The following MAGI2 variants were observed in gnomAD, a reference collection of about 807,000 sequenced individuals.
MAGI2 encodes the protein membrane associated guanylate kinase, WW and PDZ domain containing 2, also known as membrane-associated guanylate kinase, WW and PDZ domain-containing protein 2.
Under a neutral mutation model 133.3 loss-of-function variants are expected in MAGI2, and 35 were observed. The observed-to-expected ratio is 0.26, with a 90% CI of 0.20 to 0.35. The LOEUF (loss-of-function observed/expected upper bound fraction) is 0.35, where lower values mean the gene tolerates loss of function less well. Ranked by LOEUF, MAGI2 falls within the 10% of genes least tolerant of loss-of-function variation. The pLI, the probability that MAGI2 is intolerant of heterozygous loss-of-function variation, is 1.00. For missense variants in MAGI2, 1,636 were observed against 1,863.4 expected, an observed-to-expected ratio of 0.88 and a Z score of 2.25; for synonymous variants, 729 against 710.6, an observed-to-expected ratio of 1.03 and a Z score of -0.41.
At chr7:79,418,758 T>C (rs1260289689) in intron 1 of MAGI2, among the ~76,000 whole-genome samples, 1 of 150,818 alleles carries the variant, frequency 6.6e-6, no homozygotes, top group African/African-American at 2.4e-5. Context: ...TAAAGATAAA[T>C]TATATAATTA....
chr7:78,526,379 G>A (rs1360822755), intron 3 of MAGI2, among the ~76,000 whole-genome samples: 4 of 152,198 alleles, frequency 2.6e-5, no homozygotes, highest in African/African-American at 9.6e-5. Flanking sequence ...TTTAAGGAGA[G>A]TACAGGCTTT....
intron 1 of MAGI2, among the ~76,000 whole-genome samples, chr7:79,236,842 A>G (rs1410392901): frequency 6.6e-6 from 1 of 152,212 alleles, no homozygotes; most frequent in Non-Finnish European, 1.5e-5. Context: ...ACTTAAATAG[A>G]CAAGCCTGGG....
At chr7:78,658,289 T>TAA (rs35799866) in intron 2 of MAGI2, among the ~76,000 whole-genome samples, 16 of 151,866 alleles carry the variant, frequency 1.1e-4, no homozygotes, top group Non-Finnish European at 7.4e-5. Flanking sequence ...AAGTGGTTTT[T>TAA]AAAAAACGAC....
At chr7:78,118,426 G>A (rs2150488893) in intron 20 of MAGI2, among the ~76,000 whole-genome samples, 1 of 152,240 alleles carries the variant, frequency 6.6e-6, no homozygotes, top group East Asian at 1.9e-4. Flanking sequence ...GCCACAGACT[G>A]GGAGAAAATA....
At chr7:78,911,379 G>T (rs1035592016) in intron 2 of MAGI2, among the ~76,000 whole-genome samples, 3 of 152,130 alleles carry the variant, frequency 2.0e-5, no homozygotes, top group Non-Finnish European at 4.4e-5. Flanking sequence ...TGAGGCCTTT[G>T]GGATGTGATT....
intron 2 of MAGI2, among the ~76,000 whole-genome samples, chr7:78,780,475 C>T (rs1184617786): frequency 6.6e-6 from 1 of 152,132 alleles, no homozygotes; most frequent in Non-Finnish European, 1.5e-5. Flanking sequence ...TTCAATTATG[C>T]CCTAATCAGT....
intron 3 of MAGI2, among the ~76,000 whole-genome samples, chr7:78,556,930 TA>T (rs34425486): frequency 0.76 from 112,691 of 149,134 alleles, 42,495 homozygotes; most frequent in East Asian, 0.87. Flanking sequence ...CTACTAAAAA[TA>T]AAAAAAAAAA....
At chr7:79,259,763 G>A (rs183633194) in intron 1 of MAGI2, among the ~76,000 whole-genome samples, 62 of 152,134 alleles carry the variant, frequency 4.1e-4, no homozygotes, top group African/African-American at 1.3e-3. Context: ...GCTGAAAACC[G>A]AAAAAGTACT....
intron 6 of MAGI2, among the ~76,000 whole-genome samples, chr7:78,442,021 C>A (rs1787681719): frequency 2.0e-5 from 3 of 152,138 alleles, no homozygotes. Context: ...TCTGCTCATC[C>A]AGAGCCCTAG....
chr7:78,334,678 T>A (rs1221856161), intron 9 of MAGI2, among the ~76,000 whole-genome samples: 3 of 152,090 alleles, frequency 2.0e-5, no homozygotes, highest in Non-Finnish European at 4.4e-5. Context: ...GAGAAAGGAA[T>A]CTTCTTGCTA....
chr7:78,629,284 A>G (rs1051656863), intron 2 of MAGI2, among the ~76,000 whole-genome samples: 1 of 152,166 alleles, frequency 6.6e-6, no homozygotes, highest in East Asian at 1.9e-4. Flanking sequence ...GACCCAACTG[A>G]TGCTGGCTGC....
chr7:78,482,366 C>T (rs911794329), intron 6 of MAGI2, among the ~76,000 whole-genome samples: 11 of 151,858 alleles, frequency 7.2e-5, no homozygotes, highest in Admixed American at 2.0e-4. Flanking sequence ...CTGAAACGCA[C>T]TTAGTATATA....
intron 1 of MAGI2, among the ~76,000 whole-genome samples, chr7:79,177,860 T>A (rs1005250767): frequency 7.2e-5 from 11 of 152,100 alleles, no homozygotes; most frequent in Non-Finnish European, 1.5e-4. Flanking sequence ...ATAAGAAAGG[T>A]CAGCCACGTT....
intron 1 of MAGI2, among the ~76,000 whole-genome samples, chr7:79,327,758 T>C (rs1323731898): frequency 6.6e-6 from 1 of 152,058 alleles, no homozygotes; most frequent in East Asian, 1.9e-4. Flanking sequence ...TAGATGGAAT[T>C]TGTAAAACAC....
At chr7:79,396,960 G>C (rs541945476) in intron 1 of MAGI2, among the ~76,000 whole-genome samples, 4 of 151,950 alleles carry the variant, frequency 2.6e-5, no homozygotes, top group African/African-American at 9.6e-5. Flanking sequence ...AAAAATGTTA[G>C]AGAGATAAAA....
At chr7:79,176,884 A>T (rs1199470323) in intron 1 of MAGI2, 5 of 151,816 alleles carry the variant, frequency 3.3e-5, no homozygotes, top group Non-Finnish European at 7.4e-5. Flanking sequence ...TAAATAGTTG[A>T]TCTGATCCAT....
chr7:78,908,017 G>A (rs181402476), intron 2 of MAGI2, among the ~76,000 whole-genome samples: 23 of 152,282 alleles, frequency 1.5e-4, no homozygotes, highest in African/African-American at 5.1e-4. Context: ...GAAAGAGGAG[G>A]AGAGGAGATG....
At chr7:78,617,393 C>G (rs1233515870) in intron 3 of MAGI2, 2 of 152,040 alleles carry the variant, frequency 1.3e-5, no homozygotes, top group Non-Finnish European at 2.9e-5. Flanking sequence ...GGAATCAGTT[C>G]TCTGCAGCCA....
At chr7:78,478,831 G>T (rs944439572) in intron 6 of MAGI2, among the ~76,000 whole-genome samples, 1 of 151,936 alleles carries the variant, frequency 6.6e-6, no homozygotes, top group Non-Finnish European at 1.5e-5. Context: ...GCCTGGAATG[G>T]ACAACAGGCA....
Sources: allele counts gnomAD v4.1 joint callset (sites outside exome capture counted in the v4.1 genomes callset), GRCh38; gene constraint gnomAD v4.1.1; transcripts MANE v1.5; gene names NCBI Gene and HGNC (gene_info 2026-07-23, HGNC 2026-07-21).